LHFPL6: variants seen among roughly 807,000 people sequenced by gnomAD.
LHFPL6 encodes the protein LHFPL tetraspan subfamily member 6 protein.
A neutral mutation model predicts 20.6 loss-of-function variants in LHFPL6; 9 were observed. That is an observed-to-expected ratio of 0.44 (90% CI 0.26 to 0.76). LHFPL6 has a LOEUF of 0.76. LHFPL6 is among the 30% of genes least tolerant of loss of function. The pLI is 0.20. For synonymous variants in LHFPL6, 105 were observed against 98.7 expected (o/e 1.06, Z -0.38); for missense variants, 218 against 253.5 (o/e 0.86, Z 0.95).
chr13:39,431,278 C>T (rs945405178), intron 2 of LHFPL6, among the ~76,000 whole-genome samples: 1 of 152,136 alleles, frequency 6.6e-6, no homozygotes, highest in Non-Finnish European at 1.5e-5. Flanking sequence ...CTGAAGTCAG[C>T]AAGACTACAA....
At chr13:39,570,122 C>T (rs972791149) in intron 2 of LHFPL6, among the ~76,000 whole-genome samples, 9 of 152,184 alleles carry the variant, frequency 5.9e-5, no homozygotes, top group Admixed American at 3.9e-4. Context: ...TCTTTCTTTA[C>T]TCTTTTTAAA....
At chr13:39,473,125 G>T (rs1045046262) in intron 2 of LHFPL6, among the ~76,000 whole-genome samples, 2 of 151,934 alleles carry the variant, frequency 1.3e-5, no homozygotes, top group African/African-American at 2.4e-5. Flanking sequence ...GCAAGCTCGG[G>T]TTGGAGGGTG....
At chr13:39,533,105 C>T (rs1326400974) in intron 2 of LHFPL6, among the ~76,000 whole-genome samples, 1 of 152,168 alleles carries the variant, frequency 6.6e-6, no homozygotes, top group Non-Finnish European at 1.5e-5. Context: ...ACATTGCAAC[C>T]TTGGACTCTA....
chr13:39,562,433 TATATAC>T (rs1566142020), intron 2 of LHFPL6, among the ~76,000 whole-genome samples: 2 of 86,274 alleles, frequency 2.3e-5, no homozygotes, highest in African/African-American at 3.3e-5. Context: ...CATATATACA[TATATAC>T]ATATATACAC....
chr13:39,348,285 C>T (rs1869463457), intron 3 of LHFPL6, among the ~76,000 whole-genome samples: 1 of 152,066 alleles, frequency 6.6e-6, no homozygotes, highest in Non-Finnish European at 1.5e-5. Context: ...CTCCCAATAG[C>T]TTATATTTGC....
intron 2 of LHFPL6, among the ~76,000 whole-genome samples, chr13:39,383,525 A>G (rs1870491850): frequency 6.6e-6 from 1 of 152,226 alleles, no homozygotes; most frequent in Non-Finnish European, 1.5e-5. Context: ...GGACAGTGTA[A>G]ATTAGACCAT....
intron 2 of LHFPL6, among the ~76,000 whole-genome samples, chr13:39,416,744 T>A (rs1377485158): frequency 6.6e-6 from 1 of 152,246 alleles, no homozygotes; most frequent in Admixed American, 6.5e-5. Context: ...TGCAGTTTTT[T>A]AAACATTTAT....
chr13:39,560,598 C>T lies in LHFPL6; in HGVS notation c.385+40234G>A, dbSNP rs535765015. On this transcript the variant is annotated intron_variant, in intron 2 of 3. Transcript: ENST00000379589. ...GGCGCGATCTCGGCTCACTGCAAGC[C>T]CCGCCTCCCGGGTTCACGCCATTCT... 4.3e-3 allele frequency among the ~76,000 whole-genome samples: 642 copies of T among 148,050 alleles called. 4 individuals are homozygous for T. The highest frequency in any genetic ancestry group is 0.013 in the African/African-American group (535 of 40,038).
intron 2 of LHFPL6, among the ~76,000 whole-genome samples, chr13:39,401,926 G>T (rs1412727925): frequency 6.6e-6 from 1 of 152,108 alleles, no homozygotes; most frequent in Admixed American, 6.5e-5. Context: ...TGAACAATGG[G>T]TTATTTAGAT....
chr13:39,428,469 T>C (rs1042630270), intron 2 of LHFPL6, among the ~76,000 whole-genome samples: 1 of 152,198 alleles, frequency 6.6e-6, no homozygotes, highest in African/African-American at 2.4e-5. Flanking sequence ...ATCTAAGTTG[T>C]CAAATGTATT....
chr13:39,343,939 G>A lies in LHFPL6; in HGVS notation c.600C>T (p.Tyr200=). The A allele has an allele frequency of 6.2e-7, 1 of 1,613,184 alleles. No individual in the cohort carries two copies. The highest frequency in any genetic ancestry group is 8.5e-7 in the Non-Finnish European group (1 of 1,179,502). The change falls in exon 4 of 4, where the codon TAC becomes TAT. Residue 200 remains tyrosine (Y), a synonymous_variant. Transcript: ENST00000379589. ...FSGKKQKHYP[Y] is the part of the protein sequence containing the mutation. ...GTCTGCTCTTGGTAGCTCCATCTCAGTATGGGTAGTGCTTCTGTTTCTTGC... is the reference window on the plus strand; with the variant it reads ...GTCTGCTCTTGGTAGCTCCATCTCAATATGGGTAGTGCTTCTGTTTCTTGC...
chr13:39,418,067 C>G (rs1871388857), intron 2 of LHFPL6, among the ~76,000 whole-genome samples: 1 of 152,066 alleles, frequency 6.6e-6, no homozygotes, highest in South Asian at 2.1e-4. Context: ...CAAAACCAAA[C>G]AAACCCCACA....
intron 2 of LHFPL6, among the ~76,000 whole-genome samples, chr13:39,464,810 T>G (rs931583093): frequency 6.6e-6 from 1 of 152,092 alleles, no homozygotes; most frequent in Non-Finnish European, 1.5e-5. Flanking sequence ...ATTGTGTACT[T>G]GTTTCACTTC....
At chr13:39,457,775 C>T (rs1872604890) in intron 2 of LHFPL6, among the ~76,000 whole-genome samples, 1 of 152,008 alleles carries the variant, frequency 6.6e-6, no homozygotes, top group Non-Finnish European at 1.5e-5. Flanking sequence ...TCAGGCCACA[C>T]CCTTAAAATA....
intron 3 of LHFPL6, among the ~76,000 whole-genome samples, chr13:39,352,867 A>ATATATATATAAATGTATACATATGTG (rs1566091549): frequency 1.3e-5 from 1 of 75,396 alleles, no homozygotes; most frequent in Non-Finnish European, 2.4e-5. Flanking sequence ...ATATATGTGT[A>ATATATATATAAATGTATACATATGTG]TATATATATA....
intron 2 of LHFPL6, among the ~76,000 whole-genome samples, chr13:39,592,163 T>A (rs188330915): frequency 6.0e-5 from 9 of 150,130 alleles, no homozygotes; most frequent in African/African-American, 2.2e-4. Flanking sequence ...CAGGAAAGCA[T>A]CAAAACAATA....
At chr13:39,377,907 A>G (rs1870333889) in intron 3 of LHFPL6, among the ~76,000 whole-genome samples, 1 of 152,160 alleles carries the variant, frequency 6.6e-6, no homozygotes, top group Non-Finnish European at 1.5e-5. Flanking sequence ...CCTTTGCTAT[A>G]CTGTATTCCT....
intron 2 of LHFPL6, among the ~76,000 whole-genome samples, chr13:39,551,745 T>C (rs74046546): frequency 0.049 from 7,437 of 152,254 alleles, 378 homozygotes; most frequent in African/African-American, 0.12. Flanking sequence ...TCTCCACTTA[T>C]TCAGATACTT....
chr13:39,463,173 C>A (rs1464721381), intron 2 of LHFPL6, among the ~76,000 whole-genome samples: 2 of 152,154 alleles, frequency 1.3e-5, no homozygotes, highest in East Asian at 3.9e-4. Context: ...ACAGAATCAA[C>A]TAGCAAATGC....
Sources: allele counts gnomAD v4.1 joint callset (sites outside exome capture counted in the v4.1 genomes callset), GRCh38; gene constraint gnomAD v4.1.1; transcripts MANE v1.5; gene names NCBI Gene and HGNC (gene_info 2026-07-23, HGNC 2026-07-21).